Variants in ARMC2 observed in about 807,000 individuals in gnomAD.
The protein encoded by ARMC2 is armadillo repeat containing 2, also known as armadillo repeat-containing protein 2.
A neutral mutation model predicts 90.3 loss-of-function variants in ARMC2; 67 were observed. The ratio of observed to expected loss-of-function variants is 0.74; its 90% CI spans 0.61 to 0.91. ARMC2 has a LOEUF of 0.91. Among genes scored for constraint, ARMC2 ranks in the 40% least tolerant of loss-of-function variants. The pLI, the probability that ARMC2 is intolerant of heterozygous loss-of-function variation, is 0.00. For missense variants in ARMC2, 920 were observed against 1,030.9 expected, an observed-to-expected ratio of 0.89 and a Z score of 1.47; for synonymous variants, 393 against 393.0, an observed-to-expected ratio of 1.00 and a Z score of 0.00.
At chr6:108,939,279 G>A (rs1430830991) in intron 12 of ARMC2, among the ~76,000 whole-genome samples, 2 of 152,170 alleles carry the variant, frequency 1.3e-5, no homozygotes, top group Non-Finnish European at 1.5e-5. Context: ...CTATTGATGT[G>A]GTTTGGATTT....
intron 10 of ARMC2, among the ~76,000 whole-genome samples, chr6:108,920,897 A>G (rs1270661047): frequency 1.3e-5 from 2 of 152,140 alleles, no homozygotes; most frequent in African/African-American, 2.4e-5. Flanking sequence ...AAGCTCACCA[A>G]TCAGGAAGTG....
At chr6:109,010,101 C>T in the ARMC2 span, among the ~76,000 whole-genome samples, 3 of 152,168 alleles carry the variant, frequency 2.0e-5, no homozygotes, top group Non-Finnish European at 4.4e-5. Context: ...CACTCCCCTA[C>T]ACAGATAATA....
At chr6:108,885,202 G>A (rs1362614433) in intron 5 of ARMC2, among the ~76,000 whole-genome samples, 1 of 148,086 alleles carries the variant, frequency 6.8e-6, no homozygotes, top group Non-Finnish European at 1.5e-5. Flanking sequence ...TAACCAGTTA[G>A]TGATTATTAA....
chr6:109,018,719 A>G, the ARMC2 span, among the ~76,000 whole-genome samples: 1 of 152,192 alleles, frequency 6.6e-6, no homozygotes, highest in African/African-American at 2.4e-5. Context: ...AAGCTTCTGG[A>G]TCAGTTTAAC....
chr6:108,909,444 T>C (rs376277815), intron 8 of ARMC2, among the ~76,000 whole-genome samples: 7 of 152,192 alleles, frequency 4.6e-5, no homozygotes, highest in Admixed American at 1.3e-4. Context: ...AATCCTATAC[T>C]TTGCTTTTTA....
chr6:108,958,823 A>G lies in ARMC2; in HGVS notation c.1916-2749A>G, dbSNP rs147249342. On this transcript the variant is annotated intron_variant, in intron 13 of 17. Coordinates refer to ENST00000392644, the MANE Select transcript of ARMC2 (RefSeq NM_032131.6). ...TGCATTTAAACTTTGTAACAACTCT[A>G]TAATGTAGGTGCAATGATCATGCTT... 4.4e-3 allele frequency among the ~76,000 whole-genome samples: 667 copies of G among 152,340 alleles called. 6 individuals carry two copies. Among genetic ancestry groups the G allele is most frequent in the African/African-American group, 0.015 (610 of 41,588 alleles).
chr6:108,904,509 T>G, intron 8 of ARMC2, 104 bp downstream of exon 8: 1 of 1,150,052 alleles, frequency 8.7e-7, no homozygotes, highest in South Asian at 2.0e-5. Context: ...GCAGTGTATT[T>G]GTTTAGAATC....
chr6:108,998,661 G>A, the ARMC2 span: 1 of 1,613,928 alleles, frequency 6.2e-7, no homozygotes, highest in Non-Finnish European at 8.5e-7. Flanking sequence ...ACAGCCGAAT[G>A]TGAATGAGGC....
the ARMC2 span, among the ~76,000 whole-genome samples, chr6:109,003,594 G>C: frequency 6.6e-6 from 1 of 152,114 alleles, no homozygotes; most frequent in South Asian, 2.1e-4. Context: ...TTATACTGGA[G>C]GTTGGTGACT....
intron 14 of ARMC2, 51 bp downstream of exon 14, chr6:108,961,745 AT>A: frequency 1.3e-6 from 2 of 1,526,882 alleles, no homozygotes; most frequent in Non-Finnish European, 8.8e-7. Context: ...TGAAGTTTCG[AT>A]TTTATTAACT....
rs1201676063 is a variant in ARMC2, at chr6:108,961,601, C to T, written c.1945C>T (p.Leu649=). ...EYKSLDDCEE[L]VINATATINN... ...CAAGTCACTTGATGATTGTGAGGAGCTGGTGATCAATGCTACAGCGACAAT... is the reference window on the plus strand; with the variant it reads ...CAAGTCACTTGATGATTGTGAGGAGTTGGTGATCAATGCTACAGCGACAAT... The change falls in exon 14 of 18, where the codon CTG becomes TTG. Residue 649 remains leucine, a synonymous_variant. Coordinates refer to ENST00000392644, the MANE Select transcript of ARMC2 (RefSeq NM_032131.6). The T allele has an allele frequency of 2.5e-6, 4 of 1,611,154 alleles. No homozygotes were observed. In the Admixed American group the frequency reaches 5.0e-5, roughly 20 times the overall value.
chr6:108,986,837 A>G, the ARMC2 span: 2 of 152,210 alleles, frequency 1.3e-5, no homozygotes, highest in South Asian at 4.1e-4. Flanking sequence ...TAATTTACAC[A>G]CTTTCATTTA....
the ARMC2 span, among the ~76,000 whole-genome samples, chr6:109,001,671 A>G: frequency 2.6e-5 from 4 of 152,170 alleles, no homozygotes; most frequent in Admixed American, 6.5e-5. Context: ...TACATATTAT[A>G]TAGTAGGGGA....
the ARMC2 span, among the ~76,000 whole-genome samples, chr6:109,041,042 C>A: frequency 6.6e-6 from 1 of 151,470 alleles, no homozygotes; most frequent in African/African-American, 2.4e-5. Flanking sequence ...GGCTCATGCC[C>A]ATAATCCCAG....
intron 11 of ARMC2, among the ~76,000 whole-genome samples, chr6:108,935,427 G>A (rs1051703192): frequency 6.6e-6 from 1 of 151,892 alleles, no homozygotes; most frequent in Non-Finnish European, 1.5e-5. Context: ...GAGGAAATGA[G>A]TATTTATAAG....
chr6:108,972,273 A>T (rs981581540), intron 17 of ARMC2, among the ~76,000 whole-genome samples: 3 of 152,148 alleles, frequency 2.0e-5, no homozygotes, highest in Non-Finnish European at 4.4e-5. Flanking sequence ...TTTGCATTTT[A>T]TTCTTACAAG....
At chr6:108,860,738 TGTAGTTA>T (rs1380546600) in intron 3 of ARMC2, among the ~76,000 whole-genome samples, 1 of 151,108 alleles carries the variant, frequency 6.6e-6, no homozygotes, top group African/African-American at 2.4e-5. Flanking sequence ...TACCCACACC[TGTAGTTA>T]GGGGGATCTG....
chr6:109,025,140 C>T, the ARMC2 span, among the ~76,000 whole-genome samples: 3 of 151,900 alleles, frequency 2.0e-5, no homozygotes, highest in Non-Finnish European at 2.9e-5. Context: ...AGGGGCTAAA[C>T]GCTCAAAGCA....
At chr6:108,950,785 AAG>A (rs1365834212) in intron 12 of ARMC2, among the ~76,000 whole-genome samples, 1 of 152,322 alleles carries the variant, frequency 6.6e-6, no homozygotes, top group Non-Finnish European at 1.5e-5. Flanking sequence ...AAGTTAAAAA[AAG>A]AGAGAGACTT....
Sources: gnomAD v4.1 joint callset for allele counts (sites outside exome capture counted in the v4.1 genomes callset) on GRCh38, gnomAD v4.1.1 for gene constraint, MANE v1.5 for transcripts, NCBI Gene and HGNC (gene_info 2026-07-23, HGNC 2026-07-21) for gene names.